The following ARHGEF10 variants were observed in gnomAD, a reference collection of about 807,000 sequenced individuals.
ARHGEF10 encodes Rho guanine nucleotide exchange factor 10, also known as Rho guanine nucleotide exchange factor (GEF) 10.
A neutral mutation model predicts 147.4 loss-of-function variants in ARHGEF10; 140 were observed. That is an observed-to-expected ratio of 0.95 (90% CI 0.83 to 1.09). The LOEUF is 1.09. Among genes scored for constraint, ARHGEF10 ranks in the 50% least tolerant of loss-of-function variants. ARHGEF10 has a pLI of 0.00. For synonymous variants in ARHGEF10, 902 were observed against 695.8 expected (o/e 1.30, Z -4.67); for missense variants, 2,222 against 1,752.7 (o/e 1.27, Z -4.78).
chr8:1,892,999 G>T (rs148340412), intron 11 of ARHGEF10, among the ~76,000 whole-genome samples: 6 of 142,490 alleles, frequency 4.2e-5, no homozygotes, highest in African/African-American at 1.6e-4. Context: ...AGATTGTAGA[G>T]ATTTTTTTTT....
chr8:1,873,682 C>CACTCGTTTAGA (rs1807373071), intron 7 of ARHGEF10, among the ~76,000 whole-genome samples: 1 of 135,346 alleles, frequency 7.4e-6, no homozygotes, highest in African/African-American at 2.8e-5. Flanking sequence ...CGCATTTCCT[C>CACTCGTTTAGA]GTTTCATTGA....
At chr8:1,888,205 T>TAGTGGGGCGAGGGTTGCGAGGAGACAGTG (rs1808922201) in intron 11 of ARHGEF10, among the ~76,000 whole-genome samples, 2 of 24,658 alleles carry the variant, frequency 8.1e-5, no homozygotes, top group African/African-American at 6.3e-4. Flanking sequence ...AGGAGACACT[T>TAGTGGGGCGAGGGTTGCGAGGAGACAGTG]AGTGGGGCGA....
chr8:1,892,544 C>T (rs2129153180), intron 11 of ARHGEF10, among the ~76,000 whole-genome samples: 1 of 151,980 alleles, frequency 6.6e-6, no homozygotes, highest in South Asian at 2.1e-4. Flanking sequence ...GTGAAAAATG[C>T]TCTTTGCCCG....
chr8:1,833,012 AGACAGAGG>A (rs1285387827), intron 1 of ARHGEF10, among the ~76,000 whole-genome samples: 1 of 124,122 alleles, frequency 8.1e-6, no homozygotes, highest in East Asian at 2.4e-4. Context: ...AGGCAGAGAG[AGACAGAGG>A]CAGAGACAGG....
intron 28 of ARHGEF10, among the ~76,000 whole-genome samples, chr8:1,955,093 TCTGG>T: frequency 1.2e-5 from 1 of 84,744 alleles, no homozygotes; most frequent in East Asian, 4.0e-4. Flanking sequence ...TCACTGTTCC[TCTGG>T]AGGATAGCCA....
At chr8:1,857,924 A>ATCTATCTC (rs1563185677) in intron 2 of ARHGEF10, 36 bp from the exon 3 acceptor site, 2 of 1,461,930 alleles carry the variant, frequency 1.4e-6, no homozygotes, top group East Asian at 2.3e-5. Context: ...CTATCTATCT[A>ATCTATCTC]TCTCTCCTTG....
chr8:1,881,436 G>A (rs770899992), intron 9 of ARHGEF10, among the ~76,000 whole-genome samples: 3 of 152,210 alleles, frequency 2.0e-5, no homozygotes, highest in Admixed American at 6.5e-5. Context: ...TGTGCAGGAC[G>A]GAAACGCGCA....
intron 1 of ARHGEF10, 60 bp from the exon 2 acceptor site, chr8:1,843,293 C>G (rs893972154): frequency 2.1e-5 from 28 of 1,345,414 alleles, no homozygotes; most frequent in South Asian, 1.2e-4. Context: ...CAGCCCTACA[C>G]CTATTGAGTG....
intron 6 of ARHGEF10, among the ~76,000 whole-genome samples, chr8:1,867,449 A>T (rs1806720992): frequency 6.6e-6 from 1 of 152,236 alleles, no homozygotes; most frequent in Admixed American, 6.5e-5. Flanking sequence ...GCAGTCTGCA[A>T]CGTAAACAGA....
At chr8:1,824,810 CCCCCTGCACCCCACCTGTCT>C (rs1802645282) in intron 1 of ARHGEF10, among the ~76,000 whole-genome samples, 1 of 26,816 alleles carries the variant, frequency 3.7e-5, no homozygotes, top group Non-Finnish European at 6.6e-5. Context: ...CCCACCTGTT[CCCCCTGCACCCCACCTGTCT>C]TCCCCACACC....
At chr8:1,853,865 C>T (rs1253646998) in intron 2 of ARHGEF10, among the ~76,000 whole-genome samples, 1 of 152,198 alleles carries the variant, frequency 6.6e-6, no homozygotes, top group Non-Finnish European at 1.5e-5. Context: ...CGTCCCTGTG[C>T]TGGCCTCTGC....
intron 11 of ARHGEF10, among the ~76,000 whole-genome samples, chr8:1,886,565 C>T (rs768715767): frequency 7.2e-5 from 11 of 152,222 alleles, no homozygotes; most frequent in Non-Finnish European, 1.3e-4. Context: ...TGGAATTGAA[C>T]AGCGATGACT....
intron 26 of ARHGEF10, among the ~76,000 whole-genome samples, chr8:1,940,394 A>G (rs1813989537): frequency 6.6e-6 from 1 of 152,224 alleles, no homozygotes; most frequent in Non-Finnish European, 1.5e-5. Flanking sequence ...GACAGACTCT[A>G]GAGTGGCACA....
chr8:1,873,539 C>G (rs56117805), intron 7 of ARHGEF10, among the ~76,000 whole-genome samples: 1 of 110,378 alleles, frequency 9.1e-6, no homozygotes, highest in Non-Finnish European at 1.7e-5. Flanking sequence ...GTAGTGCACC[C>G]GCATTTCCTA....
chr8:1,869,201 G>A lies in ARHGEF10; in HGVS notation c.630G>A (p.Glu210=), dbSNP rs7003969. 371,323 of 1,611,492 alleles carry A rather than the reference G, an allele frequency of 0.23. 45,607 individuals carry two copies. Among genetic ancestry groups the A allele is most frequent in the East Asian group, 0.47 (21,112 of 44,854 alleles). ...TCTCCCCGTTTATTGCAGATCCAGA[G>A]GAAGCAATTTACGATGACGTTCCAA... ...PANTAWMENP[E]EAIYDDVPRE... Residue 210 remains glutamate, a synonymous_variant, in exon 7 of 29, where the codon GAG becomes GAA. Coordinates refer to ENST00000349830, the MANE Select transcript of ARHGEF10 (RefSeq NM_014629.4).
intron 15 of ARHGEF10, among the ~76,000 whole-genome samples, chr8:1,901,109 G>A (rs3758014): frequency 0.25 from 37,969 of 151,982 alleles, 4,914 homozygotes; most frequent in Admixed American, 0.33. Flanking sequence ...TGGAGTCATT[G>A]TGTGGATGTG....
intron 8 of ARHGEF10, among the ~76,000 whole-genome samples, chr8:1,877,199 C>G (rs1389112865): frequency 6.6e-6 from 1 of 152,198 alleles, no homozygotes; most frequent in Non-Finnish European, 1.5e-5. Flanking sequence ...ACAAAAGCTT[C>G]TAAACTGACC....
chr8:1,909,314 G>C lies in ARHGEF10; in HGVS notation c.1987G>C (p.Val663Leu), dbSNP rs1811169059. The change falls in exon 18 of 29, where the codon GTG becomes CTG. Residue 663 changes from valine (V) to leucine (L), a missense_variant. Coordinates refer to ENST00000349830, the MANE Select transcript of ARHGEF10 (RefSeq NM_014629.4). ...VSSRPSHDSR[V>L]MSSQRYLLKW... ...TTTCAGCCCCTCTCATGACAGCCGT[G>C]TGATGAGCAGCCAGAGGTACTTGCT... The C allele has an allele frequency of 2.5e-6, 4 of 1,614,112 alleles. No homozygotes were observed. Among genetic ancestry groups the C allele is most frequent in the Non-Finnish European group, 3.4e-6 (4 of 1,180,058 alleles).
intron 7 of ARHGEF10, among the ~76,000 whole-genome samples, chr8:1,875,807 C>A (rs966706559): frequency 6.6e-6 from 1 of 152,130 alleles, no homozygotes; most frequent in African/African-American, 2.4e-5. Context: ...TGTGTATATT[C>A]CTCAGTGCTT....
Sources: gnomAD v4.1 joint callset for allele counts (sites outside exome capture counted in the v4.1 genomes callset) on GRCh38, gnomAD v4.1.1 for gene constraint, MANE v1.5 for transcripts, NCBI Gene and HGNC (gene_info 2026-07-23, HGNC 2026-07-21) for gene names.